The following TMCO5A variants were observed in gnomAD, a reference collection of about 807,000 sequenced individuals.
TMCO5A encodes transmembrane and coiled-coil domains 5A, also known as transmembrane and coiled-coil domain-containing protein 5A.
TMCO5A carries 34 observed loss-of-function variants against 42.3 expected under a neutral mutation model. The observed-to-expected ratio is 0.80, with a 90% CI of 0.61 to 1.07. The LOEUF (loss-of-function observed/expected upper bound fraction) is 1.07. Among genes scored for constraint, TMCO5A ranks in the 50% least tolerant of loss-of-function variants. The probability of loss-of-function intolerance (pLI) is 0.00; values close to 1 mark genes in which losing one functional copy is unlikely to be tolerated. For synonymous variants in TMCO5A, 131 were observed against 115.6 expected (o/e 1.13, Z -0.86); for missense variants, 357 against 327.9 (o/e 1.09, Z -0.69).
downstream of TMCO5A, among the ~76,000 whole-genome samples, chr15:37,955,717 C>G (rs544380082): frequency 6.6e-6 from 1 of 152,148 alleles, no homozygotes; most frequent in African/African-American, 2.4e-5. Context: ...ATATCCAGGA[C>G]TTGAACTCAG....
the TMCO5A span, among the ~76,000 whole-genome samples, chr15:37,986,362 C>A: frequency 2.9e-5 from 4 of 140,338 alleles, no homozygotes; most frequent in African/African-American, 1.1e-4. Context: ...GAAAAAAGAG[C>A]CAAGGGGGGT....
chr15:38,036,230 G>A, the TMCO5A span, among the ~76,000 whole-genome samples: 1 of 152,172 alleles, frequency 6.6e-6, no homozygotes, highest in South Asian at 2.1e-4. Flanking sequence ...TCTTGGAGCT[G>A]TCTCCTGCAG....
At chr15:38,000,661 C>T in the TMCO5A span, among the ~76,000 whole-genome samples, 110 of 151,762 alleles carry the variant, frequency 7.2e-4, 1 homozygote, top group African/African-American at 2.4e-3. Flanking sequence ...ATATCCTTTC[C>T]TCTTAGTACT....
At chr15:37,950,918 G>T in intron 11 of TMCO5A, 118 bp from the exon 12 acceptor site, 1 of 819,930 alleles carries the variant, frequency 1.2e-6, no homozygotes, top group Non-Finnish European at 2.0e-6. Context: ...GTCAGGAAAG[G>T]GGGTGATAAT....
the TMCO5A span, among the ~76,000 whole-genome samples, chr15:37,995,035 G>A: frequency 3.3e-5 from 5 of 152,160 alleles, no homozygotes; most frequent in Admixed American, 3.3e-4. Context: ...TACTGGCAGA[G>A]TGATTTGTTA....
At chr15:38,039,434 A>G in the TMCO5A span, among the ~76,000 whole-genome samples, 7 of 152,236 alleles carry the variant, frequency 4.6e-5, no homozygotes, top group Non-Finnish European at 8.8e-5. Flanking sequence ...CATAGTCCCT[A>G]ATAAATAGTA....
the TMCO5A span, among the ~76,000 whole-genome samples, chr15:38,032,338 C>G: frequency 6.6e-6 from 1 of 152,164 alleles, no homozygotes; most frequent in Non-Finnish European, 1.5e-5. Flanking sequence ...TCATCTTTCA[C>G]CTACTTTAAG....
At chr15:37,974,390 C>T in the TMCO5A span, among the ~76,000 whole-genome samples, 1 of 152,038 alleles carries the variant, frequency 6.6e-6, no homozygotes. Context: ...TGATCCTGGG[C>T]TTTTTATGAT....
At position 37,965,458 on chromosome 15, in the gene TMCO5A, A is replaced by T. The variant is rs1242303087; in HGVS notation, c.669-1167A>T. Among the ~76,000 whole-genome samples the T allele has an allele frequency of 2.6e-5, 4 of 152,262 alleles. No individual in the cohort carries two copies. In the East Asian group the frequency reaches 7.7e-4, roughly 29 times the overall value. ...CTGCACAGCAAATGAAACAATCAACAAAGTGAAGAGACACTTCACAGAATA... is the reference window on the plus strand; with the variant it reads ...CTGCACAGCAAATGAAACAATCAACTAAGTGAAGAGACACTTCACAGAATA... On this transcript the variant is annotated intron_variant, in intron 11 of 11. Coordinates refer to the TMCO5A transcript ENST00000559502.
intron 8 of TMCO5A, 26 bp from the exon 9 acceptor site, chr15:37,942,163 CTG>C: frequency 6.2e-7 from 1 of 1,606,394 alleles, no homozygotes; most frequent in Non-Finnish European, 8.5e-7. Context: ...TAAGTAGTAA[CTG>C]TGGCTTTCTT....
At chr15:37,943,673 T>C in intron 10 of TMCO5A, 1 of 402,512 alleles carries the variant, frequency 2.5e-6, no homozygotes, top group East Asian at 4.6e-5. Context: ...AGAAGCAACC[T>C]TAATTGAGGG....
intron 11 of TMCO5A, among the ~76,000 whole-genome samples, chr15:37,959,082 C>T (rs971204872): frequency 1.3e-5 from 2 of 151,118 alleles, no homozygotes; most frequent in Non-Finnish European, 2.9e-5. Context: ...AACACATGGA[C>T]ACAGAGGGGA....
the TMCO5A span, among the ~76,000 whole-genome samples, chr15:38,004,271 A>G: frequency 6.6e-6 from 1 of 151,866 alleles, no homozygotes; most frequent in Non-Finnish European, 1.5e-5. Flanking sequence ...GGCTGAGTGG[A>G]TATCCAAGTT....
intron 11 of TMCO5A, among the ~76,000 whole-genome samples, chr15:37,950,375 C>A (rs1327948764): frequency 6.6e-6 from 1 of 152,018 alleles, no homozygotes. Flanking sequence ...CTATTAAAAT[C>A]GAGAATTTTT....
At chr15:37,953,403 A>T (rs1890208388), downstream of TMCO5A, among the ~76,000 whole-genome samples, 1 of 152,258 alleles carries the variant, frequency 6.6e-6, no homozygotes, top group African/African-American at 2.4e-5. Flanking sequence ...GGAAGTAAGG[A>T]AAGAGAATAC....
the TMCO5A span, among the ~76,000 whole-genome samples, chr15:37,992,203 T>C: frequency 2.0e-5 from 3 of 152,154 alleles, no homozygotes; most frequent in Non-Finnish European, 2.9e-5. Flanking sequence ...AACACACACT[T>C]TTTTTAAAGA....
At chr15:38,010,425 T>TCTCTCACACACACACACACA in the TMCO5A span, among the ~76,000 whole-genome samples, 1 of 117,442 alleles carries the variant, frequency 8.5e-6, no homozygotes, top group Non-Finnish European at 1.7e-5. Flanking sequence ...CAGAGGGAGA[T>TCTCTCACACACACACACACA]CACACACACA....
chr15:38,025,181 GT>G, the TMCO5A span, among the ~76,000 whole-genome samples: 1 of 151,816 alleles, frequency 6.6e-6, no homozygotes, highest in East Asian at 1.9e-4. Flanking sequence ...GTGTGTGTGT[GT>G]GTGTGTGTGT....
At chr15:38,012,980 T>TC in the TMCO5A span, among the ~76,000 whole-genome samples, 3 of 152,096 alleles carry the variant, frequency 2.0e-5, no homozygotes, top group African/African-American at 7.2e-5. Context: ...AGGACTGGGA[T>TC]ACAGATCACA....
Sources: gnomAD v4.1 joint callset for allele counts (sites outside exome capture counted in the v4.1 genomes callset) on GRCh38, gnomAD v4.1.1 for gene constraint, MANE v1.5 for transcripts, NCBI Gene and HGNC (gene_info 2026-07-23, HGNC 2026-07-21) for gene names.